SGCG: variants seen among roughly 807,000 people sequenced by gnomAD.
SGCG encodes the protein gamma-sarcoglycan.
In SGCG, 26 loss-of-function variants were observed where a neutral mutation model predicts 29.3. The ratio of observed to expected loss-of-function variants is 0.89; its 90% CI spans 0.65 to 1.23. The LOEUF is 1.23. SGCG is among the 50% of genes most tolerant of loss of function. SGCG has a pLI of 0.00. For missense variants in SGCG, 353 were observed against 356.0 expected, an observed-to-expected ratio of 0.99 and a Z score of 0.07; for synonymous variants, 145 against 129.7, an observed-to-expected ratio of 1.12 and a Z score of -0.80.
At chr13:23,298,841 A>G (rs1240278461) in intron 6 of SGCG, among the ~76,000 whole-genome samples, 1 of 152,206 alleles carries the variant, frequency 6.6e-6, no homozygotes, top group Non-Finnish European at 1.5e-5. Context: ...TGAAAAAGAA[A>G]CGGCACAAGA....
At chr13:23,257,189 G>A (rs1188503083) in intron 4 of SGCG, among the ~76,000 whole-genome samples, 1 of 152,122 alleles carries the variant, frequency 6.6e-6, no homozygotes, top group African/African-American at 2.4e-5. Context: ...TTTGAGAAGT[G>A]TTTGTTCATA....
chr13:23,300,850 T>C lies in SGCG; in HGVS notation c.578+5363T>C, dbSNP rs532730568. On this transcript the variant is annotated intron_variant, in intron 6 of 7. Transcript: ENST00000218867. Reference sequence around the variant, plus strand: ...AAAAAAAAGGGCCGGGCGCGGTGGCTCACGCCTGTAATCCCAGCACTTTGG... The same window carrying C: ...AAAAAAAAGGGCCGGGCGCGGTGGCCCACGCCTGTAATCCCAGCACTTTGG... Among the ~76,000 whole-genome samples the C allele has an allele frequency of 7.5e-4, 109 of 145,366 alleles. 2 individuals are homozygous for C. The South Asian group carries it at 0.023, about 30-fold the overall frequency.
chr13:23,264,344 A>T (rs1217057843), intron 4 of SGCG, among the ~76,000 whole-genome samples: 1 of 151,814 alleles, frequency 6.6e-6, no homozygotes, highest in Non-Finnish European at 1.5e-5. Flanking sequence ...GTTACAAAAA[A>T]AAAATACCGA....
the SGCG span, among the ~76,000 whole-genome samples, chr13:23,175,446 C>T: frequency 3.9e-5 from 6 of 152,198 alleles, no homozygotes; most frequent in Admixed American, 3.3e-4. Context: ...ATCACACTTA[C>T]ATTCTCTGCC....
At chr13:23,205,526 A>T (rs902847164) in intron 2 of SGCG, among the ~76,000 whole-genome samples, 2 of 152,204 alleles carry the variant, frequency 1.3e-5, no homozygotes, top group African/African-American at 4.8e-5. Flanking sequence ...GGAATGAATG[A>T]TGTGCATTAT....
chr13:23,280,604 CT>C (rs1566029264), intron 5 of SGCG, among the ~76,000 whole-genome samples: 1 of 152,194 alleles, frequency 6.6e-6, no homozygotes, highest in Non-Finnish European at 1.5e-5. Flanking sequence ...CAGAAATGCA[CT>C]GTTGTGTAGG....
At chr13:23,210,882 G>A (rs1878173052) in intron 2 of SGCG, among the ~76,000 whole-genome samples, 2 of 152,110 alleles carry the variant, frequency 1.3e-5, no homozygotes, top group African/African-American at 4.8e-5. Flanking sequence ...TCAGAAGGTG[G>A]TACGATGAAG....
Position 23,250,620 on chromosome 13 carries a change from C to G in SGCG, c.298-10C>G, listed in dbSNP as rs1879922676. 6.5e-7 allele frequency: 1 copy of G among 1,546,620 alleles called. No individual in the cohort carries two copies. The highest frequency in any genetic ancestry group is 8.9e-7 in the Non-Finnish European group (1 of 1,119,888). ...CACCTATTTTGCAAATTTTATAAAT[C>G]TCTTTCTAGGACTCATCTCTGCTTC... On this transcript the variant is annotated splice_polypyrimidine_tract_variant and intron_variant, in intron 3 of 7. Coordinates refer to ENST00000218867, the MANE Select transcript of SGCG (RefSeq NM_000231.3).
chr13:23,204,045 C>A (rs1367572787), intron 2 of SGCG, among the ~76,000 whole-genome samples, 156 bp downstream of exon 2: 1 of 151,108 alleles, frequency 6.6e-6, no homozygotes, highest in African/African-American at 2.5e-5. Flanking sequence ...GTAGCATTTA[C>A]GTTTTTCCCT....
At chr13:23,306,666 G>T (rs1373086777) in intron 6 of SGCG, among the ~76,000 whole-genome samples, 3 of 152,218 alleles carry the variant, frequency 2.0e-5, no homozygotes, top group Admixed American at 6.5e-5. Context: ...AATATCTTAA[G>T]TCTTCTTAAC....
the SGCG span, among the ~76,000 whole-genome samples, chr13:23,169,074 A>G: frequency 1.3e-5 from 2 of 151,476 alleles, no homozygotes; most frequent in Non-Finnish European, 2.9e-5. Flanking sequence ...TTAAATTTAG[A>G]ACTGTCATCT....
At chr13:23,292,119 C>CTTTTTTTTTTTTTTTTTTTTTTTTTT (rs71100167) in intron 5 of SGCG, among the ~76,000 whole-genome samples, 6 of 147,462 alleles carry the variant, frequency 4.1e-5, no homozygotes, top group African/African-American at 1.3e-4. Context: ...ACATTTCTTT[C>CTTTTTTTTTTTTTTTTTTTTTTTTTT]TTTTTTTTGA....
intron 3 of SGCG, among the ~76,000 whole-genome samples, chr13:23,250,287 C>G (rs941008954): frequency 1.6e-4 from 24 of 152,184 alleles, no homozygotes; most frequent in African/African-American, 5.5e-4. Context: ...TTTCTATTAC[C>G]TAGAACCCCA....
the SGCG span, among the ~76,000 whole-genome samples, chr13:23,173,791 T>G: frequency 6.6e-6 from 1 of 152,190 alleles, no homozygotes; most frequent in East Asian, 1.9e-4. Flanking sequence ...ACATCAGATA[T>G]ATAAAATGTC....
At chr13:23,245,946 T>A (rs1879693895) in intron 3 of SGCG, 1 of 152,340 alleles carries the variant, frequency 6.6e-6, no homozygotes, top group Admixed American at 6.5e-5. Context: ...ACTACGCCAC[T>A]GACTATACCA....
intron 1 of SGCG, among the ~76,000 whole-genome samples, chr13:23,185,493 G>C (rs1315499445): frequency 6.6e-6 from 1 of 152,130 alleles, no homozygotes; most frequent in African/African-American, 2.4e-5. Context: ...TCCGGTCCCC[G>C]ATCACTTTTA....
rs201144588 is a variant in SGCG at position 23,234,652 on chromosome 13, C to T, written c.237C>T (p.Arg79=). The T allele has an allele frequency of 2.5e-6, 4 of 1,612,422 alleles. No homozygotes were observed. Among genetic ancestry groups the T allele is most frequent in the Admixed American group, 3.3e-5 (2 of 59,922 alleles). ...TGTGTGTAACAAAAGATGGACTGCG[C>T]TTGGAAGGGGAATCAGAATTTTTAT... The part of the protein sequence containing the change: ...GHLCVTKDGL[R]LEGESEFLFP... Residue 79 remains arginine (R), a synonymous_variant, in exon 3 of 8, where the codon CGC becomes CGT. Coordinates refer to ENST00000218867, the MANE Select transcript of SGCG (RefSeq NM_000231.3).
intron 2 of SGCG, among the ~76,000 whole-genome samples, chr13:23,216,477 G>A (rs1878432950): frequency 6.6e-6 from 1 of 152,090 alleles, no homozygotes; most frequent in Non-Finnish European, 1.5e-5. Flanking sequence ...AAAAATTACT[G>A]AAGGGTTTGC....
At chr13:23,251,577 G>T (rs1483520823) in intron 4 of SGCG, among the ~76,000 whole-genome samples, 1 of 152,066 alleles carries the variant, frequency 6.6e-6, no homozygotes, top group Non-Finnish European at 1.5e-5. Flanking sequence ...GAATCTAGGT[G>T]ATCAAGATCA....
Sources: allele counts gnomAD v4.1 joint callset (sites outside exome capture counted in the v4.1 genomes callset), GRCh38; gene constraint gnomAD v4.1.1; transcripts MANE v1.5; gene names NCBI Gene and HGNC (gene_info 2026-07-23, HGNC 2026-07-21).